ZNF708: variants seen among roughly 807,000 people sequenced by gnomAD.
ZNF708 encodes the protein zinc finger protein 708, also known as ZNF15, ZNF15L1.
ZNF708 carries 44 observed loss-of-function variants against 47.0 expected under a neutral mutation model. The observed-to-expected ratio is 0.94, with a 90% confidence interval of 0.74 to 1.20. The LOEUF (loss-of-function observed/expected upper bound fraction) is 1.20, where lower values mean the gene tolerates loss of function less well. Among genes scored for constraint, ZNF708 ranks in the 50% most tolerant of loss-of-function variants. The pLI is 0.00. For missense variants in ZNF708, 557 were observed against 656.0 expected (o/e 0.85, Z 1.65); for synonymous variants, 184 against 218.5 (o/e 0.84, Z 1.39).
At chr19:21,297,532 G>T (rs1972565158) in intron 3 of ZNF708, among the ~76,000 whole-genome samples, 1 of 114,656 alleles carries the variant, frequency 8.7e-6, no homozygotes, top group South Asian at 2.7e-4. Flanking sequence ...AAAACCAAAG[G>T]ACACAAAAGA....
intron 3 of ZNF708, among the ~76,000 whole-genome samples, chr19:21,295,801 G>C (rs1176867636): frequency 6.6e-6 from 1 of 151,742 alleles, no homozygotes. Flanking sequence ...CTCAATCAAA[G>C]ATTAATGTAC....
chr19:21,297,262 ATATATATATT>A (rs1353742289), intron 3 of ZNF708, among the ~76,000 whole-genome samples: 2 of 14,162 alleles, frequency 1.4e-4, no homozygotes, highest in Non-Finnish European at 3.1e-4. Context: ...ATATATATAT[ATATATATATT>A]TTTTTTTTTT....
chr19:21,309,267 C>T lies in ZNF708; in HGVS notation c.205G>A (p.Glu69Lys), dbSNP rs767037179. ...CTACCTGGGGGTTTGGCTGCCATCT[C>T]GTGTCTCTTCATATTCCAGGGCTCT... ...GKEPWNMKRH[E>K]MAAKPPAMCS... The change falls in exon 3 of 4, where the codon GAG becomes AAG. Residue 69 changes from glutamate to lysine, a missense_variant. Physicochemically the swap from Glu to Lys is moderately conservative, Grantham distance 56. Coordinates refer to ENST00000356929, the MANE Select transcript of ZNF708 (RefSeq NM_021269.3). The T allele has an allele frequency of 1.9e-6, 3 of 1,603,834 alleles. No individual in the cohort carries two copies. The highest frequency in any genetic ancestry group is 1.3e-5 in the African/African-American group (1 of 74,696).
In ZNF708 at chr19:21,329,283, G is replaced by A. The variant is rs1042230808; in HGVS notation, c.-71C>T. On this transcript the variant is annotated 5_prime_UTR_variant, in exon 1 of 4. Transcript: ENST00000356929. ...AATACCTGCAGGTCACAGAGCCACA[G>A]AGTCTGGGCCTCTAGGAGCAGAGGA... The A allele has an allele frequency of 1.1e-5, 17 of 1,599,766 alleles. No individual in the cohort carries two copies. In the East Asian group the frequency reaches 3.8e-4, roughly 36 times the overall value.
chr19:21,305,735 A>G lies in ZNF708; in HGVS notation c.226+3511T>C, dbSNP rs534666725. On this transcript the variant is annotated intron_variant, in intron 3 of 3. Coordinates refer to ENST00000356929, the MANE Select transcript of ZNF708 (RefSeq NM_021269.3). ...CTGGGCCTCCCAAAGTGCTGGGATT[A>G]CAAGCGTGAGCCACCGGGCCTGGCC... 3.3e-5 allele frequency among the ~76,000 whole-genome samples: 5 copies of G among 152,280 alleles called. No homozygotes were observed. In the South Asian group the frequency reaches 1.0e-3, roughly 32 times the overall value.
chr19:21,294,423 T>C lies in ZNF708; in HGVS notation c.543A>G (p.Ser181=). The change falls in exon 4 of 4, where the codon TCA becomes TCG. Residue 181 remains serine, a synonymous_variant. Coordinates refer to ENST00000356929, the MANE Select transcript of ZNF708 (RefSeq NM_021269.3). ...GAATTATCTCATGTTGAGTTAGTTG[T>C]GAAAGCATGCAAAATGATTTGCCAC... ...KECGKSFCML[S]QLTQHEIIHT... The C allele has an allele frequency of 6.2e-7, 1 of 1,614,144 alleles. No individual in the cohort carries two copies. Among genetic ancestry groups the C allele is most frequent in the Admixed American group, 1.7e-5 (1 of 60,018 alleles).
intron 3 of ZNF708, chr19:21,307,001 AACAT>A (rs1972781936): frequency 6.8e-6 from 1 of 146,272 alleles, no homozygotes; most frequent in Non-Finnish European, 1.5e-5. Context: ...AACATAACAT[AACAT>A]AACATAAAAC....
In ZNF708 at chr19:21,304,135, T is replaced by A. The variant is rs556650907; in HGVS notation, c.226+5111A>T. Among the ~76,000 whole-genome samples, 3 of 152,230 alleles carry A rather than the reference T, an allele frequency of 2.0e-5. No homozygotes were observed. In the South Asian group the frequency reaches 6.2e-4, roughly 32 times the overall value. ...AGTTCAGCAGACTGTACAGGAAGTG[T>A]GTGCCAGCATCTGTTTCTGGTGAGT... On this transcript the variant is annotated intron_variant, in intron 3 of 3. Transcript: ENST00000356929.
At chr19:21,322,254 G>A (rs1311818284) in intron 1 of ZNF708, among the ~76,000 whole-genome samples, 4 of 152,014 alleles carry the variant, frequency 2.6e-5, no homozygotes, top group Non-Finnish European at 4.4e-5. Context: ...GCAGCTGTGG[G>A]AAAAGGGGGT....
At chr19:21,305,354 CAA>C (rs1338107612) in intron 3 of ZNF708, among the ~76,000 whole-genome samples, 2 of 151,776 alleles carry the variant, frequency 1.3e-5, no homozygotes, top group East Asian at 3.9e-4. Flanking sequence ...TTTAATTTTT[CAA>C]AGACATTACT....
At chr19:21,327,114 T>C (rs1009163125) in intron 1 of ZNF708, among the ~76,000 whole-genome samples, 3 of 152,172 alleles carry the variant, frequency 2.0e-5, no homozygotes, top group African/African-American at 7.2e-5. Context: ...TCTGTTAATA[T>C]TTTCTTACCT....
Position 21,293,505 on chromosome 19 carries a change from C to G in ZNF708, c.1461G>C (p.Leu487=), listed in dbSNP as rs189030857. The change falls in exon 4 of 4, where the codon CTG becomes CTC. Residue 487 remains leucine (L), a synonymous_variant. Coordinates refer to ENST00000356929, the MANE Select transcript of ZNF708 (RefSeq NM_021269.3). The stretch of plus-strand genomic sequence containing the variant: ...TCTTATGTGTAGTAAGATGAGAGGA[C>G]AGAATAAAGCTTTTGCCACATTCTT... The part of the protein sequence containing the change: ...KCEECGKSFI[L]SSHLTTHKII... The G allele has an allele frequency of 1.9e-6, 3 of 1,612,394 alleles. No homozygotes were observed. In the East Asian group the frequency reaches 6.7e-5, roughly 36 times the overall value.
intron 3 of ZNF708, among the ~76,000 whole-genome samples, chr19:21,306,518 T>G (rs1163710073): frequency 6.6e-6 from 1 of 151,604 alleles, no homozygotes; most frequent in African/African-American, 2.4e-5. Flanking sequence ...AAAAGAAAAA[T>G]GAAATCACCT....
Position 21,294,263 on chromosome 19 carries a change from G to A in ZNF708, c.703C>T (p.Gln235Ter), listed in dbSNP as rs780473497. ...KCEECGKAFN[Q>*]SSTLTRHKII... Reference sequence around the variant, plus strand: ...TTATGTCTAGTAAGAGTTGAGGACTGGTTAAAAGCTTTTCCACATTCTTCA... The same window carrying A: ...TTATGTCTAGTAAGAGTTGAGGACTAGTTAAAAGCTTTTCCACATTCTTCA... The change falls in exon 4 of 4, where the codon CAG (glutamine) becomes TAG (stop). Residue 235 changes from glutamine (Q) to a stop codon, truncating the protein, a stop_gained. Transcript: ENST00000356929. LOFTEE classifies it high-confidence loss of function. 3 of 1,610,814 alleles carry A rather than the reference G, an allele frequency of 1.9e-6. No homozygotes were observed. Among genetic ancestry groups the A allele is most frequent in the Admixed American group, 3.3e-5 (2 of 59,828 alleles).
chr19:21,320,010 T>C (rs557237424), intron 1 of ZNF708, among the ~76,000 whole-genome samples: 1 of 152,076 alleles, frequency 6.6e-6, no homozygotes, highest in African/African-American at 2.4e-5. Context: ...ACCCCATCTC[T>C]ACTAAAAATA....
chr19:21,307,807 C>T (rs1158864865), intron 3 of ZNF708, among the ~76,000 whole-genome samples: 1 of 151,882 alleles, frequency 6.6e-6, no homozygotes, highest in Non-Finnish European at 1.5e-5. Flanking sequence ...AATAAAAAAC[C>T]CATTGAAATT....
chr19:21,321,301 A>C (rs1342859016), intron 1 of ZNF708, among the ~76,000 whole-genome samples: 2 of 151,616 alleles, frequency 1.3e-5, no homozygotes, highest in African/African-American at 4.8e-5. Context: ...TGGAAAAACA[A>C]AGAGGGTGTG....
intron 3 of ZNF708, chr19:21,306,705 G>A (rs1049211532): frequency 1.3e-5 from 2 of 152,090 alleles, no homozygotes; most frequent in African/African-American, 2.4e-5. Context: ...AGCACTTTGC[G>A]AGACCGAGGC....
intron 3 of ZNF708, among the ~76,000 whole-genome samples, chr19:21,305,203 G>T (rs1488297834): frequency 1.3e-5 from 2 of 151,012 alleles, no homozygotes; most frequent in Admixed American, 1.3e-4. Context: ...TAGAGACAGG[G>T]TTCCACCAGG....
Sources: allele counts gnomAD v4.1 joint callset (sites outside exome capture counted in the v4.1 genomes callset), GRCh38; gene constraint gnomAD v4.1.1; transcripts MANE v1.5; gene names NCBI Gene and HGNC (gene_info 2026-07-23, HGNC 2026-07-21).